The following MAP4K4 variants were observed in gnomAD, a reference collection of about 807,000 sequenced individuals.
MAP4K4 encodes mitogen-activated protein kinase kinase kinase kinase 4.
MAP4K4 carries 38 observed loss-of-function variants against 189.6 expected under a neutral mutation model. The ratio of observed to expected loss-of-function variants is 0.20; its 90% CI spans 0.15 to 0.26. The LOEUF is 0.26. MAP4K4 is among the 10% of genes least tolerant of loss of function. The pLI is 1.00. For synonymous variants in MAP4K4, 610 were observed against 624.3 expected (o/e 0.98, Z 0.34); for missense variants, 1,054 against 1,726.9 (o/e 0.61, Z 6.91).
At chr2:101,861,755 T>G (rs1031791364) in intron 16 of MAP4K4, 4 of 152,214 alleles carry the variant, frequency 2.6e-5, no homozygotes, top group African/African-American at 7.2e-5. Flanking sequence ...TGCCGATTCC[T>G]AATCTCTTGC....
At chr2:101,758,644 A>C (rs2074171440) in intron 2 of MAP4K4, among the ~76,000 whole-genome samples, 1 of 152,194 alleles carries the variant, frequency 6.6e-6, no homozygotes, top group Non-Finnish European at 1.5e-5. Flanking sequence ...GTGTCCTTTG[A>C]TAACCATAAC....
exon 1 of MAP4K4, chr2:101,697,787 G>A (rs2035119408): frequency 6.9e-6 from 1 of 145,302 alleles, no homozygotes; most frequent in African/African-American, 2.5e-5. Flanking sequence ...GGGCGCCGGG[G>A]CCTGAGGCGG....
At chr2:101,760,934 C>T (rs977069266) in intron 2 of MAP4K4, among the ~76,000 whole-genome samples, 4 of 152,182 alleles carry the variant, frequency 2.6e-5, no homozygotes, top group African/African-American at 9.6e-5. Flanking sequence ...ATCTGGGAGG[C>T]GGAGGTTGCC....
intron 2 of MAP4K4, among the ~76,000 whole-genome samples, chr2:101,701,814 G>T (rs1273545632): frequency 6.6e-6 from 1 of 152,148 alleles, no homozygotes; most frequent in Admixed American, 6.5e-5. Context: ...ATGATAGTGT[G>T]AAAAATTAAA....
chr2:101,699,604 G>A (rs1233974337), intron 2 of MAP4K4, among the ~76,000 whole-genome samples: 1 of 152,082 alleles, frequency 6.6e-6, no homozygotes, highest in African/African-American at 2.4e-5. Context: ...GGGTGGAGTT[G>A]GGGGGGTTGG....
intron 2 of MAP4K4, among the ~76,000 whole-genome samples, chr2:101,788,292 G>A (rs577788136): frequency 6.6e-6 from 1 of 152,304 alleles, no homozygotes; most frequent in African/African-American, 2.4e-5. Flanking sequence ...ATGAATCCCT[G>A]CCAAGAGCCC....
chr2:101,829,443 T>C (rs1576376280), intron 5 of MAP4K4, 61 bp from the exon 6 acceptor site: 1 of 1,107,330 alleles, frequency 9.0e-7, no homozygotes, highest in Non-Finnish European at 1.4e-6. Flanking sequence ...AAAAGGTGTG[T>C]TCCTGGCTGT....
At chr2:101,837,911 A>G (rs1188324142) in intron 9 of MAP4K4, among the ~76,000 whole-genome samples, 2 of 152,164 alleles carry the variant, frequency 1.3e-5, no homozygotes, top group African/African-American at 4.8e-5. Context: ...ACTTTCTTTA[A>G]ACTGGGTTAG....
chr2:101,780,035 G>C (rs1366247054), intron 2 of MAP4K4, among the ~76,000 whole-genome samples: 2 of 152,138 alleles, frequency 1.3e-5, no homozygotes, highest in East Asian at 3.8e-4. Context: ...GATTATACTT[G>C]TTTTTACAAT....
intron 2 of MAP4K4, among the ~76,000 whole-genome samples, chr2:101,756,700 G>A (rs915450197): frequency 5.3e-5 from 8 of 151,330 alleles, no homozygotes; most frequent in African/African-American, 9.7e-5. Flanking sequence ...GACTGCAGGC[G>A]CGCATCACCA....
At chr2:101,884,260 C>G (rs1261200190) in intron 28 of MAP4K4, among the ~76,000 whole-genome samples, 1 of 152,018 alleles carries the variant, frequency 6.6e-6, no homozygotes, top group Non-Finnish European at 1.5e-5. Context: ...AAATTTAGCT[C>G]CTCAATGGCA....
chr2:101,863,953 A>G (rs1379829666), exon 17 of MAP4K4: 3 of 1,367,646 alleles, frequency 2.2e-6, no homozygotes, highest in Non-Finnish European at 2.9e-6. Flanking sequence ...ACCTTCCCGC[A>G]GTGAGGTGCT....
chr2:101,729,302 TC>T (rs1347983408), intron 2 of MAP4K4, among the ~76,000 whole-genome samples: 1 of 152,178 alleles, frequency 6.6e-6, no homozygotes, highest in Non-Finnish European at 1.5e-5. Context: ...TGGACAGTGC[TC>T]CGTAGTACAA....
intron 2 of MAP4K4, among the ~76,000 whole-genome samples, chr2:101,766,728 C>T (rs1446693284): frequency 6.6e-6 from 1 of 150,956 alleles, no homozygotes; most frequent in Non-Finnish European, 1.5e-5. Flanking sequence ...GTTTCCTGTT[C>T]TAGGAAATAA....
rs533775718 is a variant in MAP4K4, at chr2:101,764,558, A to G, written c.124-26162A>G. Reference sequence around the variant, plus strand: ...GTAATGACTTAGGAGATGGTATGCCATATGTATTGCATTTTAAACCTTTAT... The same window carrying G: ...GTAATGACTTAGGAGATGGTATGCCGTATGTATTGCATTTTAAACCTTTAT... On this transcript the variant is annotated intron_variant, in intron 2 of 32. Transcript: ENST00000324219. Among the ~76,000 whole-genome samples the G allele has an allele frequency of 5.3e-5, 8 of 152,374 alleles. No homozygotes were observed. The East Asian group carries it at 7.7e-4, about 15-fold the overall frequency.
At chr2:101,872,680 G>C (rs760547228) in intron 24 of MAP4K4, among the ~76,000 whole-genome samples, 2 of 152,158 alleles carry the variant, frequency 1.3e-5, no homozygotes, top group African/African-American at 2.4e-5. Flanking sequence ...GGGACAGGGA[G>C]GGAAGCTGCC....
intron 6 of MAP4K4, 114 bp downstream of exon 6, chr2:101,829,708 C>G: frequency 1.4e-6 from 1 of 713,104 alleles, no homozygotes; most frequent in Non-Finnish European, 2.5e-6. Flanking sequence ...TTTTCTATTT[C>G]TGTTCTTCTT....
At position 101,885,310 on chromosome 2, in the gene MAP4K4, A is replaced by T. The variant is rs767181684; in HGVS notation, c.3621+23A>T. ...AAGGTAACAACATCAAGTGAATTTA[A>T]AAGTAGTATTGGCCATTCAAGCTGC... On this transcript the variant is annotated intron_variant, in intron 29 of 32. Coordinates refer to ENST00000324219, the Ensembl canonical transcript of MAP4K4. 4 of 1,430,402 alleles carry T rather than the reference A, an allele frequency of 2.8e-6. No individual in the cohort carries two copies. In the African/African-American group the frequency reaches 4.2e-5, roughly 15 times the overall value. The allele number at this position is 1,430,402 out of a possible 1,614,324, so 88.6% of individuals were successfully genotyped here. A position where few individuals can be genotyped will look rare whatever the true frequency, so the allele number is the denominator to read the frequency against.
intron 2 of MAP4K4, among the ~76,000 whole-genome samples, chr2:101,715,167 C>T (rs1471440020): frequency 1.3e-5 from 2 of 152,154 alleles, no homozygotes; most frequent in African/African-American, 2.4e-5. Flanking sequence ...TTCTAATTTG[C>T]AAATGGCCAC....
Sources: allele counts gnomAD v4.1 joint callset (sites outside exome capture counted in the v4.1 genomes callset), GRCh38; gene constraint gnomAD v4.1.1; transcripts MANE v1.5; gene names NCBI Gene and HGNC (gene_info 2026-07-23, HGNC 2026-07-21).